The following OR52N2 variants were observed in gnomAD, a reference collection of about 807,000 sequenced individuals.
The protein encoded by OR52N2 is olfactory receptor 52N2.
For synonymous variants in OR52N2, 129 were observed against 72.0 expected (o/e 1.79, Z -4.01); for missense variants, 326 against 196.6 (o/e 1.66, Z -3.94).
chr11:5,809,649 C>CAAAAAAAA (rs11340711), intron 1 of OR52N2, among the ~76,000 whole-genome samples: 3 of 103,338 alleles, frequency 2.9e-5, no homozygotes, highest in Non-Finnish European at 6.2e-5. Flanking sequence ...CATTGTCTTT[C>CAAAAAAAA]AAAAAAAAAA....
In OR52N2 at chr11:5,821,077, T is replaced by C. The variant is rs1846448646; in HGVS notation, c.742T>C (p.Cys248Arg). The change falls in exon 2 of 2, where the codon TGT becomes CGT. Residue 248 changes from cysteine to arginine, a missense_variant. Transcript: ENST00000317037. ...KAFSTCTSHM[C>R]SIVITYVAAF... Reference sequence around the variant, plus strand: ...CTTCAGCACCTGCACATCTCACATGTGTTCCATTGTGATCACCTATGTTGC... The same window carrying C: ...CTTCAGCACCTGCACATCTCACATGCGTTCCATTGTGATCACCTATGTTGC... The C allele has an allele frequency of 2.6e-6, 2 of 781,078 alleles. No homozygotes were observed. The highest frequency in any genetic ancestry group is 1.7e-5 in the Admixed American group (1 of 59,038). The allele number at this position is 781,078 out of a possible 1,614,324, so 48.4% of individuals were successfully genotyped here.
intron 1 of OR52N2, among the ~76,000 whole-genome samples, chr11:5,815,202 G>T (rs1293746081): frequency 3.3e-5 from 5 of 151,866 alleles, no homozygotes; most frequent in African/African-American, 1.2e-4. Flanking sequence ...ACAGGCACAG[G>T]AAACAAAAGA....
intron 1 of OR52N2, among the ~76,000 whole-genome samples, chr11:5,818,453 T>A (rs73394362): frequency 0.059 from 8,899 of 152,044 alleles, 307 homozygotes; most frequent in African/African-American, 0.078. Context: ...AAACAAAAAA[T>A]TTTATGTAAG....
chr11:5,819,458 T>A (rs1846428807), intron 1 of OR52N2, among the ~76,000 whole-genome samples: 1 of 152,166 alleles, frequency 6.6e-6, no homozygotes, highest in African/African-American at 2.4e-5. Flanking sequence ...GTATTGAGAA[T>A]GGATAGGGAA....
chr11:5,810,523 T>TGTA (rs1554953445), intron 1 of OR52N2, among the ~76,000 whole-genome samples: 2 of 151,916 alleles, frequency 1.3e-5, no homozygotes, highest in African/African-American at 2.4e-5. Flanking sequence ...GTGTTATAAG[T>TGTA]ATGAGATGTA....
chr11:5,808,926 T>C lies in OR52N2; in HGVS notation c.-183T>C, dbSNP rs1486347049. Among the ~76,000 whole-genome samples the C allele has an allele frequency of 6.6e-6, 1 of 152,168 alleles. No homozygotes were observed. Among genetic ancestry groups the C allele is most frequent in the Admixed American group, 6.5e-5 (1 of 15,282 alleles). On this transcript the variant is annotated 5_prime_UTR_variant, in exon 1 of 2. Transcript: ENST00000317037. ...TGATCTGTGCACAGAGTTTACCTGGTCACCGCGGTATTGCAAGCCTCTCCT... is the reference window on the plus strand; with the variant it reads ...TGATCTGTGCACAGAGTTTACCTGGCCACCGCGGTATTGCAAGCCTCTCCT...
rs527286309 is a variant in OR52N2, at chr11:5,820,667, G to A, written c.332G>A (p.Gly111Glu). Residue 111 changes from glycine (G) to glutamate (E), a missense_variant, in exon 2 of 2, where the codon GGG (glycine) becomes GAG (glutamate). Coordinates refer to ENST00000317037, the MANE Select transcript of OR52N2 (RefSeq NM_001005174.3). ...ATGTTTTTTGTCCATATGCTGACAGGGATGGAGTCTGGGGTGCTCATGCTC... is the reference window on the plus strand; with the variant it reads ...ATGTTTTTTGTCCATATGCTGACAGAGATGGAGTCTGGGGTGCTCATGCTC... The part of the protein sequence containing the change: ...AQMFFVHMLT[G>E]MESGVLMLMA... 321 of 792,062 alleles carry A rather than the reference G, an allele frequency of 4.1e-4. 1 individual carries two copies. The South Asian group carries it at 4.2e-3, about 10-fold the overall frequency. 49.1% of individuals were successfully genotyped at this position (792,062 alleles called of 1,614,324 possible). A position where few individuals can be genotyped will look rare whatever the true frequency, so the allele number is the denominator to read the frequency against.
At chr11:5,816,392 AAC>A (rs1334448691) in intron 1 of OR52N2, among the ~76,000 whole-genome samples, 11 of 152,196 alleles carry the variant, frequency 7.2e-5, no homozygotes, top group African/African-American at 2.7e-4. Flanking sequence ...AACTAAACCA[AAC>A]ACAATACAAA....
chr11:5,819,016 T>C (rs1225367463), intron 1 of OR52N2, among the ~76,000 whole-genome samples: 1 of 152,190 alleles, frequency 6.6e-6, no homozygotes, highest in Admixed American at 6.5e-5. Context: ...CTCTAGCCAG[T>C]GGACATGACA....
chr11:5,816,245 G>C (rs546995393), intron 1 of OR52N2, among the ~76,000 whole-genome samples: 2 of 152,204 alleles, frequency 1.3e-5, no homozygotes, highest in South Asian at 4.1e-4. Flanking sequence ...TCTGGAGATG[G>C]AGAGTGGTGA....
chr11:5,813,193 G>C (rs2134240891), intron 1 of OR52N2, among the ~76,000 whole-genome samples: 1 of 150,936 alleles, frequency 6.6e-6, no homozygotes, highest in South Asian at 2.1e-4. Context: ...TTAGAAGGCA[G>C]GTAATGATAA....
intron 1 of OR52N2, among the ~76,000 whole-genome samples, chr11:5,819,436 AGT>A (rs1324513712): frequency 6.6e-6 from 1 of 152,194 alleles, no homozygotes; most frequent in African/African-American, 2.4e-5. Context: ...GGGCTTTTTG[AGT>A]GTAAATTTAG....
In OR52N2 at chr11:5,820,164, G is replaced by T. The variant is rs146614190; in HGVS notation, c.-54-118G>T. On this transcript the variant is annotated intron_variant, in intron 1 of 1. Coordinates refer to ENST00000317037, the MANE Select transcript of OR52N2 (RefSeq NM_001005174.3). ...GTAGTTCAAAGTCTTTCTTGCTATAGTTGGAAGAAAGAATTTCTGGTTATC... is the reference window on the plus strand; with the variant it reads ...GTAGTTCAAAGTCTTTCTTGCTATATTTGGAAGAAAGAATTTCTGGTTATC... 2.3e-3 allele frequency: 1,493 copies of T among 647,450 alleles called. 1 individual carries two copies. The highest frequency in any genetic ancestry group is 3.5e-3 in the Non-Finnish European group (1,267 of 361,478). The allele number at this position is 647,450 out of a possible 1,614,324, so 40.1% of individuals were successfully genotyped here.
At chr11:5,819,846 T>A (rs1343011873) in intron 1 of OR52N2, among the ~76,000 whole-genome samples, 7 of 152,190 alleles carry the variant, frequency 4.6e-5, no homozygotes, top group African/African-American at 1.7e-4. Context: ...AACGGAAAGT[T>A]AAGCTACTGA....
Position 5,820,271 on chromosome 11 carries a change from C to T in OR52N2, c.-54-11C>T, listed in dbSNP as rs886234011. On this transcript the variant is annotated splice_polypyrimidine_tract_variant and intron_variant, in intron 1 of 1. Coordinates refer to ENST00000317037, the MANE Select transcript of OR52N2 (RefSeq NM_001005174.3). ...TTATCTCGTCTCTAACTCTCCCTCTCCCTCTCCTAGGCAGAAAGCAATGGC... is the reference window on the plus strand; with the variant it reads ...TTATCTCGTCTCTAACTCTCCCTCTTCCTCTCCTAGGCAGAAAGCAATGGC... The T allele has an allele frequency of 1.6e-5, 12 of 743,022 alleles. No individual in the cohort carries two copies. The highest frequency in any genetic ancestry group is 2.7e-5 in the Non-Finnish European group (11 of 401,374). 46.0% of individuals were successfully genotyped at this position (743,022 alleles called of 1,614,324 possible). A position where few individuals can be genotyped will look rare whatever the true frequency, so the allele number is the denominator to read the frequency against.
rs186730674 is a variant in OR52N2, at chr11:5,817,018, T to G, written c.-54-3264T>G. ...TTTTCATTTAAATGAAAGTTTTGTTTCCAAGGAGTCGCAGGAATCTTTATA... is the reference window on the plus strand; with the variant it reads ...TTTTCATTTAAATGAAAGTTTTGTTGCCAAGGAGTCGCAGGAATCTTTATA... On this transcript the variant is annotated intron_variant, in intron 1 of 1. Coordinates refer to ENST00000317037, the MANE Select transcript of OR52N2 (RefSeq NM_001005174.3). Among the ~76,000 whole-genome samples the G allele has an allele frequency of 8.9e-4, 135 of 152,354 alleles. No individual in the cohort carries two copies. The East Asian group carries it at 0.022, about 25-fold the overall frequency.
At chr11:5,810,137 T>G (rs867001822) in intron 1 of OR52N2, among the ~76,000 whole-genome samples, 2 of 152,204 alleles carry the variant, frequency 1.3e-5, no homozygotes, top group African/African-American at 4.8e-5. Flanking sequence ...GAAGTCAATC[T>G]CCCTGCCTGA....
chr11:5,809,333 C>T (rs1443056576), intron 1 of OR52N2, among the ~76,000 whole-genome samples: 1 of 152,072 alleles, frequency 6.6e-6, no homozygotes, highest in Admixed American at 6.6e-5. Flanking sequence ...TGGGGTCCCC[C>T]ATGGGCTGTG....
intron 1 of OR52N2, among the ~76,000 whole-genome samples, chr11:5,815,543 T>G (rs1476561159): frequency 6.6e-6 from 1 of 152,052 alleles, no homozygotes; most frequent in Non-Finnish European, 1.5e-5. Flanking sequence ...TTACACCAAT[T>G]AGGATGGCTA....
Sources: gnomAD v4.1 joint callset for allele counts (sites outside exome capture counted in the v4.1 genomes callset) on GRCh38, gnomAD v4.1.1 for gene constraint, MANE v1.5 for transcripts, NCBI Gene and HGNC (gene_info 2026-07-23, HGNC 2026-07-21) for gene names.